Variants in LRRC56 observed in about 807,000 individuals in gnomAD.
LRRC56 encodes the protein leucine-rich repeat-containing protein 56.
LRRC56 carries 41 observed loss-of-function variants against 47.8 expected under a neutral mutation model. That is an observed-to-expected ratio of 0.86 (90% CI 0.67 to 1.11). The LOEUF (loss-of-function observed/expected upper bound fraction) is 1.11, where lower values mean the gene tolerates loss of function less well. Among genes scored for constraint, LRRC56 ranks in the 50% most tolerant of loss-of-function variants. The probability of loss-of-function intolerance (pLI) is 0.00; values close to 1 mark genes in which losing one functional copy is unlikely to be tolerated. For missense variants in LRRC56, 759 were observed against 704.2 expected, an observed-to-expected ratio of 1.08 and a Z score of -0.88; for synonymous variants, 387 against 311.2, an observed-to-expected ratio of 1.24 and a Z score of -2.56.
At chr11:533,218 C>T, upstream of LRRC56, 2 of 1,418,764 alleles carry the variant, frequency 1.4e-6, no homozygotes, top group South Asian at 1.3e-5. Flanking sequence ...GACTGCAGGG[C>T]GTGAGCCCAG....
chr11:534,126 C>T (rs1021082161), upstream of LRRC56: 31 of 1,238,260 alleles, frequency 2.5e-5, no homozygotes, highest in African/African-American at 4.4e-4. Flanking sequence ...TGCAGGGGAC[C>T]AGGGGCTGCA....
Position 551,119 on chromosome 11 carries a change from C to G in LRRC56, c.625-12C>G, listed in dbSNP as rs1361510099. Reference sequence around the variant, plus strand: ...AGACCTGCCCTCCCTCCCCCTCCCCCTCCCCCTGCAGGTGCCCAGGGGCTA... The same window carrying G: ...AGACCTGCCCTCCCTCCCCCTCCCCGTCCCCCTGCAGGTGCCCAGGGGCTA... On this transcript the variant is annotated splice_polypyrimidine_tract_variant and intron_variant, in intron 8 of 13. Transcript: ENST00000270115. The G allele has an allele frequency of 7.0e-7, 1 of 1,419,900 alleles. No individual in the cohort carries two copies. Among genetic ancestry groups the G allele is most frequent in the East Asian group, 2.8e-5 (1 of 35,762 alleles). 88.0% of individuals were successfully genotyped at this position (1,419,900 alleles called of 1,614,324 possible).
rs1221863213 is a variant in LRRC56, at chr11:544,848, G to A, written c.326+68G>A. 4.3e-5 allele frequency: 53 copies of A among 1,242,974 alleles called. No homozygotes were observed. In the South Asian group the frequency reaches 6.1e-4, roughly 14 times the overall value. The allele number at this position is 1,242,974 out of a possible 1,614,324, so 77.0% of individuals were successfully genotyped here. ...GGTCCGATGGGACAGGCCCTGCAGG[G>A]ATGGGGGGAGAACTTGGTGGGAGTG... On this transcript the variant is annotated intron_variant, in intron 6 of 13. Transcript: ENST00000270115.
upstream of LRRC56, chr11:533,479 T>C (rs1564788848): frequency 3.7e-6 from 6 of 1,613,420 alleles, no homozygotes; most frequent in South Asian, 1.1e-5. Context: ...GAGGTCTCGA[T>C]GTAGGGGATG....
the LRRC56 span, among the ~76,000 whole-genome samples, chr11:514,504 T>G: frequency 6.6e-6 from 1 of 151,826 alleles, no homozygotes; most frequent in Non-Finnish European, 1.5e-5. Flanking sequence ...CCCAGGCTGG[T>G]CTCCTGAGCT....
chr11:511,320 C>CAAAA, the LRRC56 span, among the ~76,000 whole-genome samples: 1 of 78,482 alleles, frequency 1.3e-5, no homozygotes, highest in African/African-American at 5.0e-5. Context: ...GACTCCGTCT[C>CAAAA]AAAAAAAAAA....
chr11:535,829 G>C (rs957967137), upstream of LRRC56, among the ~76,000 whole-genome samples: 5 of 152,012 alleles, frequency 3.3e-5, no homozygotes, highest in African/African-American at 1.2e-4. Context: ...CTGGGGGCCC[G>C]GGGCGGCATC....
chr11:522,547 T>C, the LRRC56 span, among the ~76,000 whole-genome samples: 1 of 152,264 alleles, frequency 6.6e-6, no homozygotes, highest in Admixed American at 6.5e-5. Context: ...ATTACAGGCG[T>C]GAGCCACCGC....
intron 12 of LRRC56, 57 bp downstream of exon 12, chr11:552,289 G>A (rs1852442316): frequency 6.4e-7 from 1 of 1,563,338 alleles, no homozygotes; most frequent in Non-Finnish European, 8.7e-7. Context: ...GGAAATCAGG[G>A]CTGGGGCTAC....
At chr11:533,889 AG>A, upstream of LRRC56, 1 of 1,613,308 alleles carries the variant, frequency 6.2e-7, no homozygotes, top group South Asian at 1.1e-5. Context: ...GGCGGTATCC[AG>A]GATGTCCAAC....
chr11:522,477 AG>A, the LRRC56 span, among the ~76,000 whole-genome samples: 2 of 152,246 alleles, frequency 1.3e-5, no homozygotes, highest in Middle Eastern at 6.8e-3. Context: ...TGTGTTAGCC[AG>A]GATACTCTCG....
At chr11:531,110 G>GAGAAGGGGGAGTGTGGCGTCCCCTGGAC in the LRRC56 span, among the ~76,000 whole-genome samples, 7 of 133,256 alleles carry the variant, frequency 5.3e-5, no homozygotes, top group South Asian at 7.2e-4. Context: ...GTCCCCTGGA[G>GAGAAGGGGGAGTGTGGCGTCCCCTGGAC]AGAAGGGGGA....
At chr11:545,087 T>C (rs35579818) in intron 6 of LRRC56, among the ~76,000 whole-genome samples, 60,692 of 152,038 alleles carry the variant, frequency 0.4, 12,357 homozygotes, top group Admixed American at 0.51. Context: ...TGCCCTGTGG[T>C]CTCTGGCTCA....
At chr11:543,813 A>G (rs1851928284) in intron 5 of LRRC56, among the ~76,000 whole-genome samples, 1 of 151,902 alleles carries the variant, frequency 6.6e-6, no homozygotes, top group South Asian at 2.1e-4. Context: ...CAGTGGCGCA[A>G]TCTCGGCTCA....
intron 2 of LRRC56, 35 bp from the exon 3 acceptor site, chr11:539,545 A>C (rs1589801993): frequency 7.3e-6 from 1 of 137,530 alleles, no homozygotes; most frequent in South Asian, 2.3e-4. Context: ...CCACCACGCC[A>C]GCTAATTTTT....
chr11:536,010 T>A (rs1768537942), upstream of LRRC56, among the ~76,000 whole-genome samples: 1 of 152,126 alleles, frequency 6.6e-6, no homozygotes, highest in African/African-American at 2.4e-5. Context: ...CAAGGCGGGA[T>A]GCTCGGAGCT....
chr11:528,237 C>T, the LRRC56 span, among the ~76,000 whole-genome samples: 16 of 152,350 alleles, frequency 1.1e-4, no homozygotes, highest in Admixed American at 2.6e-4. Flanking sequence ...TATCAGAGGG[C>T]TCCATCACTC....
chr11:524,883 G>A, the LRRC56 span, among the ~76,000 whole-genome samples: 3 of 151,650 alleles, frequency 2.0e-5, no homozygotes, highest in Non-Finnish European at 4.4e-5. Flanking sequence ...ATGAGGTCAG[G>A]AGATCAGGAC....
the LRRC56 span, among the ~76,000 whole-genome samples, chr11:527,305 A>G: frequency 1.3e-5 from 2 of 152,162 alleles, no homozygotes; most frequent in Admixed American, 6.5e-5. Flanking sequence ...TCTCAAAAAA[A>G]AAAATTTGCA....
Sources: allele counts gnomAD v4.1 joint callset (sites outside exome capture counted in the v4.1 genomes callset), GRCh38; gene constraint gnomAD v4.1.1; transcripts MANE v1.5; gene names NCBI Gene and HGNC (gene_info 2026-07-23, HGNC 2026-07-21).